PELI2: variants seen among roughly 807,000 people sequenced by gnomAD.
PELI2 encodes the protein E3 ubiquitin-protein ligase pellino homolog 2.
Under a neutral mutation model 42.3 loss-of-function variants are expected in PELI2, and 23 were observed. That is an observed-to-expected ratio of 0.54 (90% confidence interval 0.39 to 0.77). The LOEUF is 0.77. Among genes scored for constraint, PELI2 ranks in the 30% least tolerant of loss-of-function variants. The probability of loss-of-function intolerance (pLI) is 0.00; values close to 1 mark genes in which losing one functional copy is unlikely to be tolerated. For synonymous variants in PELI2, 245 were observed against 212.2 expected, an observed-to-expected ratio of 1.15 and a Z score of -1.34; for missense variants, 463 against 553.2, an observed-to-expected ratio of 0.84 and a Z score of 1.64.
At chr14:56,237,182 G>A (rs4901660) in intron 2 of PELI2, among the ~76,000 whole-genome samples, 61,323 of 152,024 alleles carry the variant, frequency 0.4, 13,081 homozygotes, top group South Asian at 0.53. Flanking sequence ...TTTTAACGTT[G>A]TATACATTTT....
At chr14:56,255,025 T>C (rs1207570008) in intron 2 of PELI2, among the ~76,000 whole-genome samples, 1 of 152,230 alleles carries the variant, frequency 6.6e-6, no homozygotes, top group Admixed American at 6.5e-5. Flanking sequence ...GGAACGCTTT[T>C]ACACTGTTGG....
At chr14:56,249,626 T>G (rs1335463440) in intron 2 of PELI2, among the ~76,000 whole-genome samples, 1 of 152,156 alleles carries the variant, frequency 6.6e-6, no homozygotes, top group African/African-American at 2.4e-5. Flanking sequence ...GTGTGTCTCA[T>G]GAACAAGGAA....
intron 2 of PELI2, among the ~76,000 whole-genome samples, chr14:56,182,352 CGTTT>C (rs994427254): frequency 2.6e-5 from 4 of 152,008 alleles, no homozygotes; most frequent in African/African-American, 9.7e-5. Flanking sequence ...TTTATGTGTT[CGTTT>C]ACTTTTTTAT....
In PELI2 at chr14:56,297,172, T is replaced by C. The variant is rs775575877; in HGVS notation, c.*6T>C. 1 of 1,581,052 alleles carries C rather than the reference T, an allele frequency of 6.3e-7. No homozygotes were observed. The highest frequency in any genetic ancestry group is 8.6e-7 in the Non-Finnish European group (1 of 1,164,894). On this transcript the variant is annotated 3_prime_UTR_variant, in exon 6 of 6. Transcript: ENST00000267460. ...TCCAAGGTCCAATTGACTGACGCCC[T>C]TGACAGCCATCTACGACTTTATTAA...
chr14:56,187,248 T>C (rs1036830001), intron 2 of PELI2, among the ~76,000 whole-genome samples: 1 of 152,180 alleles, frequency 6.6e-6, no homozygotes, highest in African/African-American at 2.4e-5. Flanking sequence ...AATTTATTCA[T>C]CTCCAAACTA....
chr14:56,171,219 G>A (rs1035538736), intron 1 of PELI2, among the ~76,000 whole-genome samples: 2 of 152,158 alleles, frequency 1.3e-5, no homozygotes, highest in Admixed American at 1.3e-4. Context: ...GGACCTATAA[G>A]AGGTGATTAG....
chr14:56,263,744 C>T (rs1888804701), intron 2 of PELI2, among the ~76,000 whole-genome samples: 1 of 152,024 alleles, frequency 6.6e-6, no homozygotes, highest in Non-Finnish European at 1.5e-5. Flanking sequence ...TGAAAATAGT[C>T]TTATTGTTCT....
intron 1 of PELI2, among the ~76,000 whole-genome samples, chr14:56,141,649 G>GGA (rs1011741340): frequency 1.3e-5 from 2 of 152,100 alleles, no homozygotes; most frequent in Non-Finnish European, 2.9e-5. Flanking sequence ...CAGGTCAGCG[G>GGA]GAGAGAGAGT....
intron 1 of PELI2, among the ~76,000 whole-genome samples, chr14:56,163,326 A>G (rs1011989823): frequency 6.6e-6 from 1 of 152,114 alleles, no homozygotes. Context: ...CCATTTATTG[A>G]AGAGACTTTT....
At position 56,295,709 on chromosome 14, in the gene PELI2, T is replaced by C. The variant is rs547718351; in HGVS notation, c.697-891T>C. Reference sequence around the variant, plus strand: ...GAAACTGAGGCACGAGGAGTTTAAGTAATCTGCACAGCGTCATACAGCTAA... The same window carrying C: ...GAAACTGAGGCACGAGGAGTTTAAGCAATCTGCACAGCGTCATACAGCTAA... On this transcript the variant is annotated intron_variant, in intron 5 of 5. Transcript: ENST00000267460. Among the ~76,000 whole-genome samples, 5 of 152,318 alleles carry C rather than the reference T, an allele frequency of 3.3e-5. No individual in the cohort carries two copies. The South Asian group carries it at 8.3e-4, about 25-fold the overall frequency.
intron 1 of PELI2, among the ~76,000 whole-genome samples, chr14:56,157,094 G>A (rs184098617): frequency 7.2e-5 from 11 of 152,240 alleles, no homozygotes; most frequent in Non-Finnish European, 1.5e-4. Flanking sequence ...TTTTCGTGGC[G>A]TACATGAAGG....
chr14:56,220,245 C>G (rs903998174), intron 2 of PELI2, among the ~76,000 whole-genome samples: 2 of 152,172 alleles, frequency 1.3e-5, no homozygotes, highest in Non-Finnish European at 2.9e-5. Flanking sequence ...GATGGTTTAA[C>G]TCTCTGTAGC....
chr14:56,152,052 C>A (rs115639808), intron 1 of PELI2, among the ~76,000 whole-genome samples: 35 of 152,298 alleles, frequency 2.3e-4, no homozygotes, highest in African/African-American at 8.4e-4. Flanking sequence ...TGTCTCCAGT[C>A]TGTGTTCCAG....
intron 2 of PELI2, among the ~76,000 whole-genome samples, chr14:56,236,508 A>T (rs945690218): frequency 2.6e-5 from 4 of 152,162 alleles, no homozygotes; most frequent in African/African-American, 9.7e-5. Flanking sequence ...CCTGTTTTTG[A>T]TAAATTCAGT....
chr14:56,288,339 G>A lies in PELI2; in HGVS notation c.310-98G>A. 2.3e-6 allele frequency: 2 copies of A among 858,614 alleles called. No homozygotes were observed. Among genetic ancestry groups the A allele is most frequent in the Admixed American group, 2.1e-5 (1 of 47,656 alleles). 53.2% of individuals were successfully genotyped at this position (858,614 alleles called of 1,614,324 possible). A position where few individuals can be genotyped will look rare whatever the true frequency, so the allele number is the denominator to read the frequency against. On this transcript the variant is annotated intron_variant, in intron 3 of 5. Transcript: ENST00000267460. The surrounding 1 kb of genome is among the most constrained non-coding windows in gnomAD (Gnocchi z 4.6). The stretch of plus-strand genomic sequence containing the variant: ...AATTCTAACCCTCAGAACAAGGATA[G>A]TGAATGTTAAAGGAATCCTGAATGC...
At position 56,197,684 on chromosome 14, in the gene PELI2, T is replaced by A. The variant is rs1886174123; in HGVS notation, c.207+19220T>A. On this transcript the variant is annotated intron_variant, in intron 2 of 5. Coordinates refer to ENST00000267460, the MANE Select transcript of PELI2 (RefSeq NM_021255.3). The surrounding 1 kb of genome is among the most constrained non-coding windows in gnomAD (Gnocchi z 4.9). ...GGTCAGGTGTTATTCTCAATGTTTC[T>A]GTGAAGGTGTTTTTGGATGAGATTA... is the stretch of plus-strand genomic sequence containing the variant. 1.3e-5 allele frequency among the ~76,000 whole-genome samples: 2 copies of A among 152,188 alleles called. No homozygotes were observed. Among genetic ancestry groups the A allele is most frequent in the South Asian group, 4.1e-4 (2 of 4,836 alleles).
chr14:56,263,123 A>AT (rs1218924182), intron 2 of PELI2, among the ~76,000 whole-genome samples: 2 of 151,622 alleles, frequency 1.3e-5, no homozygotes, highest in African/African-American at 2.4e-5. Context: ...TGCCTGGCTA[A>AT]TTTTTTTTGT....
At chr14:56,146,005 C>T (rs1884100934) in intron 1 of PELI2, among the ~76,000 whole-genome samples, 1 of 152,088 alleles carries the variant, frequency 6.6e-6, no homozygotes, top group Non-Finnish European at 1.5e-5. Context: ...TCATTGAAAT[C>T]CAAATTGACT....
intron 1 of PELI2, among the ~76,000 whole-genome samples, chr14:56,168,328 C>T (rs1885042806): frequency 6.6e-6 from 1 of 152,148 alleles, no homozygotes; most frequent in South Asian, 2.1e-4. Context: ...GAGTCAAAAA[C>T]CTTAGAAGTC....
Sources: allele counts gnomAD v4.1 joint callset (sites outside exome capture counted in the v4.1 genomes callset), GRCh38; gene constraint gnomAD v4.1.1; non-coding constraint Gnocchi (gnomAD v3.1); transcripts MANE v1.5; gene names NCBI Gene and HGNC (gene_info 2026-07-23, HGNC 2026-07-21).